Variants in PCDH18 observed in about 807,000 individuals in gnomAD.
PCDH18 encodes the protein protocadherin-18.
PCDH18 carries 38 observed loss-of-function variants against 71.5 expected under a neutral mutation model. That is an observed-to-expected ratio of 0.53 (90% CI 0.41 to 0.70). PCDH18 has a LOEUF of 0.70. PCDH18 is among the 30% of genes least tolerant of loss of function. The pLI, the probability that PCDH18 is intolerant of heterozygous loss-of-function variation, is 0.00. For missense variants in PCDH18, 1,334 were observed against 1,384.6 expected, an observed-to-expected ratio of 0.96 and a Z score of 0.58; for synonymous variants, 565 against 505.4, an observed-to-expected ratio of 1.12 and a Z score of -1.58.
At chr4:137,524,172 G>GAGC (rs1731381245) in intron 3 of PCDH18, among the ~76,000 whole-genome samples, 1 of 152,160 alleles carries the variant, frequency 6.6e-6, no homozygotes, top group Non-Finnish European at 1.5e-5. Context: ...AGGTAGTTAA[G>GAGC]TGTCCTCTGG....
intron 1 of PCDH18, 114 bp from the exon 2 acceptor site, chr4:137,528,934 C>T (rs1731561401): frequency 1.3e-6 from 1 of 791,354 alleles, no homozygotes; most frequent in Non-Finnish European, 2.2e-6. Flanking sequence ...AATATATTCT[C>T]TCTATTTAAA....
Position 137,521,566 on chromosome 4 carries a change from T to C in PCDH18, c.2871A>G (p.Gln957=). 1 of 1,613,910 alleles carries C rather than the reference T, an allele frequency of 6.2e-7. No homozygotes were observed. The highest frequency in any genetic ancestry group is 1.3e-5 in the African/African-American group (1 of 74,958). The change falls in exon 4 of 4, where the codon CAA becomes CAG. Residue 957 remains glutamine, a synonymous_variant. Transcript: ENST00000344876. The part of the protein sequence containing the change: ...MFIPGEEFPT[Q]PQQQHPHQSL... ...TCTGATGTGGATGCTGCTGCTGGGGTTGCGTTGGGAATTCTTCCCCTGGAA... is the reference window on the plus strand; with the variant it reads ...TCTGATGTGGATGCTGCTGCTGGGGCTGCGTTGGGAATTCTTCCCCTGGAA...
intron 3 of PCDH18, among the ~76,000 whole-genome samples, chr4:137,528,090 C>T (rs35678237): frequency 0.064 from 9,669 of 152,160 alleles, 329 homozygotes; most frequent in Middle Eastern, 0.092. Context: ...CACCACTCTG[C>T]GCCAAAACAG....
At position 137,530,372 on chromosome 4, in the gene PCDH18, C is replaced by A; in HGVS notation, c.1717G>T (p.Val573Phe). 1 of 1,614,052 alleles carries A rather than the reference C, an allele frequency of 6.2e-7. No homozygotes were observed. Among genetic ancestry groups the A allele is most frequent in the East Asian group, 2.2e-5 (1 of 44,878 alleles). ...VLTIIDENDN[V>F]PVVIGPALRN... is the part of the protein sequence containing the mutation. The stretch of plus-strand genomic sequence containing the variant: ...AATGCAGGCCCTATAACCACAGGAA[C>A]GTTGTCATTTTCGTCAATGATGGTG... The change falls in exon 1 of 4, where the codon GTT (valine) becomes TTT (phenylalanine). Residue 573 changes from valine to phenylalanine, a missense_variant. Physicochemically the swap from Val to Phe is conservative, Grantham distance 50 (BLOSUM62 -1). Transcript: ENST00000344876.
At chr4:137,528,321 T>C (rs1289720736) in intron 3 of PCDH18, among the ~76,000 whole-genome samples, 157 bp downstream of exon 3, 1 of 152,190 alleles carries the variant, frequency 6.6e-6, no homozygotes, top group Non-Finnish European at 1.5e-5. Context: ...CAGTTTCTGT[T>C]CATTACTAAA....
At position 137,529,883 on chromosome 4, in the gene PCDH18, A is replaced by C; in HGVS notation, c.2206T>G (p.Cys736Gly). 6.2e-7 allele frequency: 1 copy of C among 1,613,860 alleles called. No homozygotes were observed. The highest frequency in any genetic ancestry group is 1.3e-5 in the African/African-American group (1 of 74,996). Residue 736 changes from cysteine to glycine, a missense_variant, in exon 1 of 4, where the codon TGC becomes GGC. Physicochemically the swap from Cys to Gly is radical, Grantham distance 159. Transcript: ENST00000344876. The part of the protein sequence containing the change: ...REKKDTRSYN[C>G]RVAESTYQHH... ...TGGTAAGTTGATTCGGCCACCCTGCAGTTATAGGATCTAGTGTCTTTCTTC... is the reference window on the plus strand; with the variant it reads ...TGGTAAGTTGATTCGGCCACCCTGCCGTTATAGGATCTAGTGTCTTTCTTC...
Position 137,531,629 on chromosome 4 carries a change from T to A in PCDH18, c.460A>T (p.Thr154Ser). ...IEISESAAVG[T>S]RIPLDSAFDP... is the part of the protein sequence containing the mutation. Reference sequence around the variant, plus strand: ...AATGCACTGTCCAGGGGAATGCGAGTCCCAACTGCTGCACTCTCAGATATC... The same window carrying A: ...AATGCACTGTCCAGGGGAATGCGAGACCCAACTGCTGCACTCTCAGATATC... The change falls in exon 1 of 4, where the codon ACT (threonine) becomes TCT (serine). Residue 154 changes from threonine (T) to serine (S), a missense_variant. By Grantham distance (58) the Thr-to-Ser change is moderately conservative. Coordinates refer to ENST00000344876, the MANE Select transcript of PCDH18 (RefSeq NM_019035.5). 1 of 1,613,830 alleles carries A rather than the reference T, an allele frequency of 6.2e-7. No homozygotes were observed. The highest frequency in any genetic ancestry group is 1.1e-5 in the South Asian group (1 of 91,074).
At position 137,529,602 on chromosome 4, in the gene PCDH18, C is replaced by G; in HGVS notation, c.2487G>C (p.Glu829Asp). The G allele has an allele frequency of 6.3e-7, 1 of 1,586,332 alleles. No homozygotes were observed. The highest frequency in any genetic ancestry group is 8.6e-7 in the Non-Finnish European group (1 of 1,162,668). The change falls in exon 1 of 4, where the codon GAG (glutamate) becomes GAC (aspartate). Residue 829 changes from glutamate (E) to aspartate (D), a missense_variant and splice_region_variant. By Grantham distance (45) the Glu-to-Asp change is conservative. Around this residue, in one of 3 missense-constraint regions of PCDH18, gnomAD observed 1,011 missense variants for 1,048.0 expected, o/e 0.96. Transcript: ENST00000344876. Reference sequence around the variant, plus strand: ...GAATTGATGCGGTTTATGATCTTACCTCAACAGCAGGAGTGGCGTGGGTGA... The same window carrying G: ...GAATTGATGCGGTTTATGATCTTACGTCAACAGCAGGAGTGGCGTGGGTGA... The part of the protein sequence containing the change: ...LELTHATPAV[E>D]QVSQLLSMLH...
rs114166348 is a variant in PCDH18, at chr4:137,519,834, T to C, written c.*1195A>G. The C allele has an allele frequency of 0.024, 3,662 of 152,682 alleles. 65 individuals carry two copies. The highest frequency in any genetic ancestry group is 0.058 in the Middle Eastern group (17 of 294). The allele number at this position is 152,682 out of a possible 1,614,324, so 9.5% of individuals were successfully genotyped here. On this transcript the variant is annotated 3_prime_UTR_variant, in exon 4 of 4. Coordinates refer to ENST00000344876, the MANE Select transcript of PCDH18 (RefSeq NM_019035.5). The stretch of plus-strand genomic sequence containing the variant: ...TGATAATAGTCATAATAAGCATCTC[T>C]CTCACCAAGGCATTCCACACAGAGA...
intron 3 of PCDH18, among the ~76,000 whole-genome samples, chr4:137,524,298 G>A (rs906853380): frequency 1.3e-5 from 2 of 152,212 alleles, no homozygotes; most frequent in African/African-American, 2.4e-5. Context: ...GAAGAAATAC[G>A]TATGCCTTGC....
rs767822963 is a variant in PCDH18, at chr4:137,530,408, T to C, written c.1681A>G (p.Thr561Ala). ...TCGTCAATGATGGTGAGCACAACTG[T>C]GGTATTGCTTACCAGTTGCTTCGGG... The part of the protein sequence containing the change: ...GSPKQLVSNT[T>A]VVLTIIDEND... The change falls in exon 1 of 4, where the codon ACA becomes GCA. Residue 561 changes from threonine (T) to alanine (A), a missense_variant. Physicochemically the swap from Thr to Ala is moderately conservative, Grantham distance 58 (BLOSUM62 0). Transcript: ENST00000344876. 4 of 1,614,114 alleles carry C rather than the reference T, an allele frequency of 2.5e-6. No individual in the cohort carries two copies. The highest frequency in any genetic ancestry group is 1.1e-5 in the South Asian group (1 of 91,084).
rs1731303570 is a variant in PCDH18, at chr4:137,521,601, T to C, written c.2836A>G (p.Asn946Asp). Reference sequence around the variant, plus strand: ...AATTCTTCCCCTGGAATGAACATGTTACTCCTATAATCAGAAGACGGTGAG... The same window carrying C: ...AATTCTTCCCCTGGAATGAACATGTCACTCCTATAATCAGAAGACGGTGAG... ...LPSPSSDYRS[N>D]MFIPGEEFPT... is the part of the protein sequence containing the mutation. Residue 946 changes from asparagine (N) to aspartate (D), a missense_variant, in exon 4 of 4, where the codon AAC becomes GAC. By Grantham distance (23) the Asn-to-Asp change is conservative (BLOSUM62 1). Around this residue, in one of 3 missense-constraint regions of PCDH18, gnomAD observed 319 missense variants for 316.3 expected, o/e 1.01. Transcript: ENST00000344876. The C allele has an allele frequency of 1.2e-6, 2 of 1,613,966 alleles. No homozygotes were observed. The highest frequency in any genetic ancestry group is 1.7e-6 in the Non-Finnish European group (2 of 1,180,014).
intron 1 of PCDH18, 168 bp downstream of exon 1, chr4:137,529,434 C>A (rs545790217): frequency 1.9e-6 from 1 of 521,402 alleles, no homozygotes. Flanking sequence ...AAACAGTATG[C>A]TAAAGTGTGC....
In PCDH18 at chr4:137,529,543, A is replaced by C. The variant is rs1395541132; in HGVS notation, c.2487+59T>G. ...TGAAAACATTTAAGAACTAGTAAAC[A>C]CAATTCCTGAACACTAACACCTAAC... On this transcript the variant is annotated intron_variant, in intron 1 of 3. Coordinates refer to ENST00000344876, the MANE Select transcript of PCDH18 (RefSeq NM_019035.5). 4 of 1,217,168 alleles carry C rather than the reference A, an allele frequency of 3.3e-6. No individual in the cohort carries two copies. In the Admixed American group the frequency reaches 8.8e-5, roughly 27 times the overall value. The allele number at this position is 1,217,168 out of a possible 1,614,324, so 75.4% of individuals were successfully genotyped here. A position where few individuals can be genotyped will look rare whatever the true frequency, so the allele number is the denominator to read the frequency against.
In PCDH18 at chr4:137,530,240, T is replaced by C; in HGVS notation, c.1849A>G (p.Ser617Gly). 1 of 1,614,154 alleles carries C rather than the reference T, an allele frequency of 6.2e-7. No individual in the cohort carries two copies. Among genetic ancestry groups the C allele is most frequent in the Non-Finnish European group, 8.5e-7 (1 of 1,180,024 alleles). The change falls in exon 1 of 4, where the codon AGC becomes GGC. Residue 617 changes from serine to glycine, a missense_variant. Coordinates refer to ENST00000344876, the MANE Select transcript of PCDH18 (RefSeq NM_019035.5). ...DRDSGVNAEL[S>G]CAIVAGNEEN... ...TCATTACCTGCTACTATGGCGCAGC[T>C]GAGTTCAGCATTCACACCAGAGTCT...
In PCDH18 at chr4:137,522,519, G is replaced by T. The variant is rs547074311; in HGVS notation, c.2741-823C>A. On this transcript the variant is annotated intron_variant, in intron 3 of 3. Coordinates refer to ENST00000344876, the MANE Select transcript of PCDH18 (RefSeq NM_019035.5). ...ATTTGGCAAATACAATAACTAAGCT[G>T]CATGACAAGGAAATGAAAAGATGTA... 8.5e-5 allele frequency among the ~76,000 whole-genome samples: 13 copies of T among 152,192 alleles called. No homozygotes were observed. In the East Asian group the frequency reaches 2.3e-3, roughly 27 times the overall value.
chr4:137,531,796 C>T lies in PCDH18; in HGVS notation c.293G>A (p.Cys98Tyr). Residue 98 changes from cysteine (C) to tyrosine (Y), a missense_variant, in exon 1 of 4, where the codon TGC becomes TAC. Transcript: ENST00000344876. ...TATGGAACAGTTCAAGTTTTTCTGG[C>T]ACAGTTGTTCACGGTCAATTGTAGC... ...IGATIDREQLCQKNLNCSIEF... is the reference protein window; with the variant it reads ...IGATIDREQLYQKNLNCSIEF... The T allele has an allele frequency of 6.2e-7, 1 of 1,614,182 alleles. No homozygotes were observed. The highest frequency in any genetic ancestry group is 8.5e-7 in the Non-Finnish European group (1 of 1,180,026).
At position 137,531,287 on chromosome 4, in the gene PCDH18, G is replaced by T. The variant is rs996823948; in HGVS notation, c.802C>A (p.Leu268Met). The T allele has an allele frequency of 1.2e-6, 2 of 1,614,088 alleles. No individual in the cohort carries two copies. The highest frequency in any genetic ancestry group is 8.5e-7 in the Non-Finnish European group (1 of 1,179,982). The change falls in exon 1 of 4, where the codon CTG becomes ATG. Residue 268 changes from leucine (L) to methionine (M), a missense_variant. Leu to Met is a conservative substitution (Grantham distance 15). Transcript: ENST00000344876. ...CCCTCATCTGGATCCGTGGCATTCA[G>T]ATCTAAGAGCAAAGTGCCAACCGGG... ...NSPVGTLLLD[L>M]NATDPDEGAN...
intron 1 of PCDH18, chr4:137,529,262 A>T (rs1443008035): frequency 7.5e-6 from 2 of 265,490 alleles, no homozygotes; most frequent in Non-Finnish European, 1.4e-5. Context: ...TTGTTCAGTA[A>T]AGACTATAAC....
Sources: allele counts gnomAD v4.1 joint callset (sites outside exome capture counted in the v4.1 genomes callset), GRCh38; gene constraint gnomAD v4.1.1; regional missense constraint gnomAD v4.1.1; transcripts MANE v1.5; gene names NCBI Gene and HGNC (gene_info 2026-07-23, HGNC 2026-07-21).